The following CIITA variants were observed in gnomAD, a reference collection of about 807,000 sequenced individuals.
The protein encoded by CIITA is MHC class II transactivator.
In CIITA, 72 loss-of-function variants were observed where a neutral mutation model predicts 115.1. That is an observed-to-expected ratio of 0.63 (90% CI 0.52 to 0.76). The LOEUF (loss-of-function observed/expected upper bound fraction) is 0.76, where lower values mean the gene tolerates loss of function less well. Ranked by LOEUF, CIITA falls within the 30% of genes least tolerant of loss-of-function variation. The pLI is 0.00. For synonymous variants in CIITA, 763 were observed against 635.6 expected (o/e 1.20, Z -3.02); for missense variants, 1,617 against 1,463.8 (o/e 1.10, Z -1.71).
Position 10,907,546 on chromosome 16 carries a change from T to A in CIITA, c.2054T>A (p.Val685Glu). The change falls in exon 11 of 20, where the codon GTG becomes GAG. Residue 685 changes from valine to glutamate, a missense_variant. Val to Glu is a moderately radical substitution (Grantham distance 121, BLOSUM62 -2). Coordinates refer to ENST00000324288, the MANE Select transcript of CIITA (RefSeq NM_000246.4). The surrounding 1 kb of genome is among the most constrained non-coding windows in gnomAD (Gnocchi z 5.0). Reference sequence around the variant, plus strand: ...GAGGACCAGTTCCCATCCGCAGACGTGAGGACCTGGGCGATGGCCAAAGGC... The same window carrying A: ...GAGGACCAGTTCCCATCCGCAGACGAGAGGACCTGGGCGATGGCCAAAGGC... ...LQEDQFPSAD[V>E]RTWAMAKGLV... 1 of 1,614,094 alleles carries A rather than the reference T, an allele frequency of 6.2e-7. No homozygotes were observed. Among genetic ancestry groups the A allele is most frequent in the South Asian group, 1.1e-5 (1 of 91,080 alleles).
rs1567451153 is a variant in CIITA, at chr16:10,923,045, G to T, written c.3318-183G>T. On this transcript the variant is annotated intron_variant, in intron 18 of 19. Transcript: ENST00000324288. The surrounding 1 kb of genome is among the most constrained non-coding windows in gnomAD (Gnocchi z 5.2). ...AGCAAGTCAGCTGCAGAACCATAAAGGAATCTCGGGCCTCCTAGGCTTCTC... is the reference window on the plus strand; with the variant it reads ...AGCAAGTCAGCTGCAGAACCATAAATGAATCTCGGGCCTCCTAGGCTTCTC... The T allele has an allele frequency of 6.4e-6, 4 of 628,214 alleles. No individual in the cohort carries two copies. The highest frequency in any genetic ancestry group is 5.4e-5 in the East Asian group (2 of 37,064). 38.9% of individuals were successfully genotyped at this position (628,214 alleles called of 1,614,324 possible). A position where few individuals can be genotyped will look rare whatever the true frequency, so the allele number is the denominator to read the frequency against.
At position 10,882,565 on chromosome 16, in the gene CIITA, G is replaced by GA. The variant is rs779690404; in HGVS notation, c.52+5190dup. ...GCAACAGAGCAAGACCTTTTTTTAGGAAAAAAATATATAAATTAATAAAAA... is the reference window on the plus strand; with the variant it reads ...GCAACAGAGCAAGACCTTTTTTTAGGAAAAAAAATATATAAATTAATAAAAA... On this transcript the variant is annotated intron_variant, in intron 1 of 19. Coordinates refer to ENST00000324288, the MANE Select transcript of CIITA (RefSeq NM_000246.4). 3.1e-3 allele frequency among the ~76,000 whole-genome samples: 470 copies of GA among 151,356 alleles called. 1 individual carries two copies. Among genetic ancestry groups the GA allele is most frequent in the East Asian group, 9.3e-3 (48 of 5,156 alleles).
Position 10,909,205 on chromosome 16 carries a change from T to G in CIITA, c.2816+18T>G, listed in dbSNP as rs2039388029. On this transcript the variant is annotated intron_variant, in intron 12 of 19. Transcript: ENST00000324288. ...ACTCAGAGGTGAGAGGAGAGGCGGATGGGAGGTGGTTCACGCCATGCAGGT... is the reference window on the plus strand; with the variant it reads ...ACTCAGAGGTGAGAGGAGAGGCGGAGGGGAGGTGGTTCACGCCATGCAGGT... 2 of 1,613,662 alleles carry G rather than the reference T, an allele frequency of 1.2e-6. No individual in the cohort carries two copies. Among genetic ancestry groups the G allele is most frequent in the Non-Finnish European group, 1.7e-6 (2 of 1,179,700 alleles).
At chr16:10,866,888 C>T (rs1371119539) in intron 1 of CIITA, among the ~76,000 whole-genome samples, 1 of 152,182 alleles carries the variant, frequency 6.6e-6, no homozygotes, top group Non-Finnish European at 1.5e-5. Flanking sequence ...TCAGCTCCTG[C>T]CTTCAAAGGG....
intron 15 of CIITA, 107 bp downstream of exon 15, chr16:10,916,566 C>A: frequency 1.1e-6 from 1 of 942,758 alleles, no homozygotes; most frequent in South Asian, 1.4e-5. Flanking sequence ...CTCGCTGTGT[C>A]ACCCAGGCTA....
chr16:10,871,049 A>G (rs2035448751), intron 1 of CIITA, among the ~76,000 whole-genome samples: 1 of 152,262 alleles, frequency 6.6e-6, no homozygotes, highest in South Asian at 2.1e-4. Flanking sequence ...CACATGGGCC[A>G]TGTCCTCAGA....
chr16:10,867,320 T>G (rs2035145481), intron 1 of CIITA, among the ~76,000 whole-genome samples: 7 of 95,720 alleles, frequency 7.3e-5, no homozygotes, highest in South Asian at 3.4e-4. Flanking sequence ...CCACTGTGTG[T>G]GTTGGGGGGG....
At chr16:10,876,202 A>G (rs1366543437), upstream of CIITA, among the ~76,000 whole-genome samples, 1 of 152,030 alleles carries the variant, frequency 6.6e-6, no homozygotes, top group Non-Finnish European at 1.5e-5. Context: ...ATTTGTAGAC[A>G]TAGGGTGTCA....
At chr16:10,902,860 C>T (rs2038883836) in intron 8 of CIITA, 59 bp downstream of exon 8, 2 of 1,596,334 alleles carry the variant, frequency 1.3e-6, no homozygotes, top group Middle Eastern at 1.8e-4. Flanking sequence ...GCTCCCTGAC[C>T]TCATCCTCCC....
chr16:10,901,733 C>T lies in CIITA; in HGVS notation c.481+175C>T, dbSNP rs1230508038. On this transcript the variant is annotated intron_variant, in intron 6 of 19. Coordinates refer to ENST00000324288, the MANE Select transcript of CIITA (RefSeq NM_000246.4). The surrounding 1 kb of genome is among the most constrained non-coding windows in gnomAD (Gnocchi z 6.8). ...TTAGAGTCCTCTAAGGGGCTCACGA[C>T]TGTTTGTGGAAGGTGGTAGGGGCTT... 8 of 714,426 alleles carry T rather than the reference C, an allele frequency of 1.1e-5. No homozygotes were observed. The highest frequency in any genetic ancestry group is 1.9e-5 in the Non-Finnish European group (8 of 422,238). 44.3% of individuals were successfully genotyped at this position (714,426 alleles called of 1,614,324 possible). A position where few individuals can be genotyped will look rare whatever the true frequency, so the allele number is the denominator to read the frequency against.
chr16:10,902,915 A>T, intron 8 of CIITA, 114 bp downstream of exon 8: 1 of 1,264,652 alleles, frequency 7.9e-7, no homozygotes, highest in South Asian at 1.2e-5. Context: ...CCTTCTCATG[A>T]TCCTCCCTCC....
Position 10,915,552 on chromosome 16 carries a change from T to C in CIITA, c.2889-18T>C. ...GTGACTGTGACTGGAGGTCTTACCCTTGCTCTTTGCCTCCTAGGCTGGGCC... is the reference window on the plus strand; with the variant it reads ...GTGACTGTGACTGGAGGTCTTACCCCTGCTCTTTGCCTCCTAGGCTGGGCC... On this transcript the variant is annotated intron_variant, in intron 13 of 19. Coordinates refer to ENST00000324288, the MANE Select transcript of CIITA (RefSeq NM_000246.4). 6.2e-7 allele frequency: 1 copy of C among 1,608,182 alleles called. No homozygotes were observed. Among genetic ancestry groups the C allele is most frequent in the Non-Finnish European group, 8.5e-7 (1 of 1,174,650 alleles).
At position 10,895,279 on chromosome 16, in the gene CIITA, C is replaced by T. The variant is rs2038009174; in HGVS notation, c.53-3C>T. The T allele has an allele frequency of 1.2e-6, 2 of 1,613,828 alleles. No homozygotes were observed. Among genetic ancestry groups the T allele is most frequent in the East Asian group, 2.2e-5 (1 of 44,890 alleles). ...GGTGACTGAGCATTGTCTTCCCTCC[C>T]AGGCAGCTCACAGTGTGCCACCATG... On this transcript the variant is annotated splice_polypyrimidine_tract_variant and splice_region_variant and intron_variant, in intron 1 of 19. Coordinates refer to ENST00000324288, the MANE Select transcript of CIITA (RefSeq NM_000246.4).
At chr16:10,878,914 G>C (rs1177074034) in intron 1 of CIITA, 1 of 227,840 alleles carries the variant, frequency 4.4e-6, no homozygotes, top group Non-Finnish European at 8.7e-6. Context: ...AAGTGAAAGG[G>C]AAAAAGAACT....
chr16:10,898,769 C>G, intron 4 of CIITA, 37 bp downstream of exon 4: 1 of 1,610,482 alleles, frequency 6.2e-7, no homozygotes. Context: ...TTGGCTCAGC[C>G]TGCATTTCCT....
chr16:10,933,070 C>T lies in CIITA; in HGVS notation c.*9215C>T, dbSNP rs2040867616. 6.6e-6 allele frequency: 1 copy of T among 152,150 alleles called. No homozygotes were observed. The highest frequency in any genetic ancestry group is 2.4e-5 in the African/African-American group (1 of 41,418). The allele number at this position is 152,150 out of a possible 1,614,324, so 9.4% of individuals were successfully genotyped here. A position where few individuals can be genotyped will look rare whatever the true frequency, so the allele number is the denominator to read the frequency against. Reference sequence around the variant, plus strand: ...ACCCCAGAGCTGGAGCTTATAGAACCCAGGGCAGCAGGTTCTCCAACCTTC... The same window carrying T: ...ACCCCAGAGCTGGAGCTTATAGAACTCAGGGCAGCAGGTTCTCCAACCTTC... On this transcript the variant is annotated 3_prime_UTR_variant, in exon 20 of 20. Transcript: ENST00000324288.
At chr16:10,916,571 AG>A (rs1419253939) in intron 15 of CIITA, 112 bp downstream of exon 15, 1 of 899,692 alleles carries the variant, frequency 1.1e-6, no homozygotes, top group Non-Finnish European at 1.8e-6. Flanking sequence ...TGTGTCACCC[AG>A]GCTAGAATAT....
At chr16:10,915,499 GC>G in intron 13 of CIITA, 70 bp from the exon 14 acceptor site, 1 of 1,247,770 alleles carries the variant, frequency 8.0e-7, no homozygotes, top group Non-Finnish European at 1.2e-6. Flanking sequence ...CCTTGTCTCT[GC>G]CCCACCCTGG....
chr16:10,904,072 G>C (rs919572730), intron 9 of CIITA, among the ~76,000 whole-genome samples, 177 bp downstream of exon 9: 1 of 152,166 alleles, frequency 6.6e-6, no homozygotes, highest in Non-Finnish European at 1.5e-5. Context: ...TGGGGGAATG[G>C]ACAGCTAGAG....
Sources: gnomAD v4.1 joint callset for allele counts (sites outside exome capture counted in the v4.1 genomes callset) on GRCh38, gnomAD v4.1.1 for gene constraint, Gnocchi (gnomAD v3.1) non-coding constraint, MANE v1.5 for transcripts, NCBI Gene and HGNC (gene_info 2026-07-23, HGNC 2026-07-21) for gene names.